The following SRPK2 variants were observed in gnomAD, a reference collection of about 807,000 sequenced individuals.
The protein encoded by SRPK2 is SRSF protein kinase 2.
A neutral mutation model predicts 90.8 loss-of-function variants in SRPK2; 21 were observed. The observed-to-expected ratio is 0.23, with a 90% CI of 0.16 to 0.33. The LOEUF (loss-of-function observed/expected upper bound fraction) is 0.33, where lower values mean the gene tolerates loss of function less well. Among genes scored for constraint, SRPK2 ranks in the 10% least tolerant of loss-of-function variants. The probability of loss-of-function intolerance (pLI) is 1.00; values close to 1 mark genes in which losing one functional copy is unlikely to be tolerated. For synonymous variants in SRPK2, 288 were observed against 311.1 expected (o/e 0.93, Z 0.78); for missense variants, 620 against 869.0 (o/e 0.71, Z 3.60).
chr7:105,242,801 G>A (rs1338496794), intron 2 of SRPK2, among the ~76,000 whole-genome samples: 6 of 152,120 alleles, frequency 3.9e-5, no homozygotes, highest in Admixed American at 6.6e-5. Flanking sequence ...ATTGAGTCTC[G>A]AGGCAAGCCG....
At chr7:105,353,022 G>T (rs1424282291) in intron 2 of SRPK2, among the ~76,000 whole-genome samples, 9 of 152,122 alleles carry the variant, frequency 5.9e-5, no homozygotes, top group Middle Eastern at 3.2e-3. Context: ...GTCACTGCTA[G>T]TTGTTTACCT....
chr7:105,204,898 AGATTTCCTTTT>A, intron 2 of SRPK2: 1 of 394,864 alleles, frequency 2.5e-6, no homozygotes, highest in South Asian at 2.2e-5. Flanking sequence ...TGTTATTGCT[AGATTTCCTTTT>A]GGAACACTGT....
intron 3 of SRPK2, among the ~76,000 whole-genome samples, chr7:105,175,473 G>A (rs1791720890): frequency 6.6e-6 from 1 of 151,750 alleles, no homozygotes; most frequent in South Asian, 2.1e-4. Context: ...TAAAAAAATA[G>A]CAAACTTAAC....
At chr7:105,380,521 A>ATT (rs35323315) in intron 2 of SRPK2, among the ~76,000 whole-genome samples, 21 of 107,286 alleles carry the variant, frequency 2.0e-4, no homozygotes, top group East Asian at 7.3e-4. Context: ...ACATGCTAAA[A>ATT]TTTTTTTTTT....
chr7:105,133,150 T>C (rs1460552196), intron 11 of SRPK2, 46 bp from the exon 12 acceptor site: 1 of 1,575,020 alleles, frequency 6.3e-7, no homozygotes, highest in Non-Finnish European at 8.7e-7. Flanking sequence ...GGATAGGTGG[T>C]TTGCATGTGT....
upstream of SRPK2, among the ~76,000 whole-genome samples, chr7:105,391,506 A>G (rs565478011): frequency 1.3e-5 from 2 of 152,240 alleles, no homozygotes; most frequent in South Asian, 4.1e-4. Flanking sequence ...CGCCCGGCTA[A>G]AAATTTTTGT....
At chr7:105,229,064 C>G (rs1178782419) in intron 2 of SRPK2, among the ~76,000 whole-genome samples, 3 of 152,024 alleles carry the variant, frequency 2.0e-5, no homozygotes, top group African/African-American at 7.3e-5. Context: ...AAAAGGCTGG[C>G]CCAAGAGAGC....
At chr7:105,390,093 T>C (rs535179754), upstream of SRPK2, among the ~76,000 whole-genome samples, 1 of 152,376 alleles carries the variant, frequency 6.6e-6, no homozygotes, top group African/African-American at 2.4e-5. Context: ...GTGTATGGTT[T>C]ATTTTGCTGA....
At chr7:105,256,314 T>A (rs550874708) in intron 2 of SRPK2, among the ~76,000 whole-genome samples, 1 of 152,350 alleles carries the variant, frequency 6.6e-6, no homozygotes, top group Non-Finnish European at 1.5e-5. Context: ...TTTGAGTTAC[T>A]GTTTTGTTTC....
intron 2 of SRPK2, among the ~76,000 whole-genome samples, chr7:105,229,048 G>A (rs1194368385): frequency 1.3e-5 from 2 of 152,180 alleles, no homozygotes; most frequent in Non-Finnish European, 2.9e-5. Context: ...ACAGCTAGCT[G>A]TTTTAAAAAG....
At chr7:105,202,730 G>A (rs985572628) in intron 3 of SRPK2, among the ~76,000 whole-genome samples, 1 of 152,184 alleles carries the variant, frequency 6.6e-6, no homozygotes, top group Non-Finnish European at 1.5e-5. Flanking sequence ...CACAATGGCA[G>A]AACCCCACAG....
chr7:105,387,769 T>C (rs1384417641), intron 2 of SRPK2, among the ~76,000 whole-genome samples: 1 of 152,138 alleles, frequency 6.6e-6, no homozygotes, highest in African/African-American at 2.4e-5. Context: ...TGTCGAACGC[T>C]GGTAAATCAA....
At chr7:105,177,272 AACC>A (rs1377804050) in intron 3 of SRPK2, among the ~76,000 whole-genome samples, 2 of 152,200 alleles carry the variant, frequency 1.3e-5, no homozygotes, top group African/African-American at 4.8e-5. Flanking sequence ...TGTATGCACT[AACC>A]ACCACTTTTC....
chr7:105,277,361 C>T (rs975668046), intron 2 of SRPK2, among the ~76,000 whole-genome samples: 1 of 152,200 alleles, frequency 6.6e-6, no homozygotes, highest in Admixed American at 6.5e-5. Flanking sequence ...CAGGCGTGAG[C>T]CACTGCGCCC....
intron 2 of SRPK2, chr7:105,306,199 T>C (rs1326978380): frequency 5.8e-6 from 1 of 171,084 alleles, no homozygotes; most frequent in Non-Finnish European, 1.3e-5. Flanking sequence ...TGAGAATTTT[T>C]GCTGGTATTC....
intron 3 of SRPK2, among the ~76,000 whole-genome samples, chr7:105,169,683 A>C (rs1447742162): frequency 6.6e-6 from 1 of 152,206 alleles, no homozygotes; most frequent in Non-Finnish European, 1.5e-5. Flanking sequence ...GCCTGAGTGA[A>C]AAGTGTGCGA....
chr7:105,174,682 G>A (rs1791606304), intron 3 of SRPK2, among the ~76,000 whole-genome samples: 1 of 152,126 alleles, frequency 6.6e-6, no homozygotes, highest in South Asian at 2.1e-4. Flanking sequence ...AAAGCAAGCA[G>A]ACATAAAATC....
At chr7:105,241,981 C>T (rs910910667) in intron 2 of SRPK2, among the ~76,000 whole-genome samples, 1 of 152,016 alleles carries the variant, frequency 6.6e-6, no homozygotes, top group Non-Finnish European at 1.5e-5. Context: ...ACCTGATAAT[C>T]TTACTCCAAC....
intron 2 of SRPK2, among the ~76,000 whole-genome samples, chr7:105,205,440 A>G (rs1796066782): frequency 6.6e-6 from 1 of 151,984 alleles, no homozygotes; most frequent in Admixed American, 6.6e-5. Flanking sequence ...TGTAGTGATG[A>G]TAACACTCCA....
Sources: allele counts gnomAD v4.1 joint callset (sites outside exome capture counted in the v4.1 genomes callset), GRCh38; gene constraint gnomAD v4.1.1; transcripts MANE v1.5; gene names NCBI Gene and HGNC (gene_info 2026-07-23, HGNC 2026-07-21).